The following GRM7 variants were observed in gnomAD, a reference collection of about 807,000 sequenced individuals.
GRM7 encodes the protein metabotropic glutamate receptor 7.
A neutral mutation model predicts 84.5 loss-of-function variants in GRM7; 35 were observed. That is an observed-to-expected ratio of 0.41 (90% confidence interval 0.32 to 0.55). The LOEUF (loss-of-function observed/expected upper bound fraction) is 0.55, where lower values mean the gene tolerates loss of function less well. GRM7 is among the 20% of genes least tolerant of loss of function. The pLI is 0.19. For missense variants in GRM7, 1,003 were observed against 1,194.6 expected, an observed-to-expected ratio of 0.84 and a Z score of 2.36; for synonymous variants, 487 against 455.1, an observed-to-expected ratio of 1.07 and a Z score of -0.89.
intron 1 of GRM7, among the ~76,000 whole-genome samples, chr3:7,107,977 A>G (rs1467749364): frequency 6.6e-6 from 1 of 152,030 alleles, no homozygotes; most frequent in Non-Finnish European, 1.5e-5. Context: ...TAAAAGCAAG[A>G]TGGGGAGAGA....
chr3:7,217,320 G>A (rs1696647985), intron 2 of GRM7, among the ~76,000 whole-genome samples: 1 of 152,110 alleles, frequency 6.6e-6, no homozygotes, highest in Non-Finnish European at 1.5e-5. Context: ...CACTCAACTG[G>A]CAAAGTACGG....
At chr3:6,927,966 C>G (rs567372620) in intron 1 of GRM7, among the ~76,000 whole-genome samples, 1 of 152,314 alleles carries the variant, frequency 6.6e-6, no homozygotes, top group East Asian at 1.9e-4. Flanking sequence ...ACTTAGAACA[C>G]ATTTCTAAAT....
chr3:7,349,366 G>A (rs1226382707), intron 4 of GRM7, among the ~76,000 whole-genome samples: 2 of 152,078 alleles, frequency 1.3e-5, no homozygotes, highest in African/African-American at 4.8e-5. Context: ...CCAGCTGATG[G>A]GCTTGTCATG....
chr3:7,025,657 T>A (rs142277078), intron 1 of GRM7, among the ~76,000 whole-genome samples: 389 of 152,290 alleles, frequency 2.6e-3, no homozygotes, highest in Admixed American at 6.1e-3. Flanking sequence ...TTCTTGTGTC[T>A]TCCCTGGTAT....
chr3:7,642,443 A>G (rs1698408006), intron 8 of GRM7, among the ~76,000 whole-genome samples: 2 of 152,230 alleles, frequency 1.3e-5, no homozygotes, highest in South Asian at 2.1e-4. Flanking sequence ...TGAAATATTG[A>G]TGGTTAAAAC....
rs567632809 is a variant in GRM7, at chr3:7,198,816, A to AT, written c.736+52149dup. 2.2e-3 allele frequency among the ~76,000 whole-genome samples: 339 copies of AT among 152,326 alleles called. 1 individual carries two copies. The highest frequency in any genetic ancestry group is 3.5e-3 in the Non-Finnish European group (235 of 68,018). On this transcript the variant is annotated intron_variant, in intron 2 of 9. Transcript: ENST00000357716. The stretch of plus-strand genomic sequence containing the variant: ...GTCAAAAATTATAAGTTGAGCCATC[A>AT]TAAGTTGGGGACTGCCTGTACATTT...
chr3:7,040,788 A>C (rs911883842), intron 1 of GRM7, among the ~76,000 whole-genome samples: 5 of 151,884 alleles, frequency 3.3e-5, no homozygotes, highest in African/African-American at 1.2e-4. Flanking sequence ...TCATTTTAAA[A>C]ATGATGAGGT....
At position 7,267,893 on chromosome 3, in the gene GRM7, C is replaced by G. The variant is rs1698704416; in HGVS notation, c.737-30791C>G. Among the ~76,000 whole-genome samples the G allele has an allele frequency of 1.3e-5, 2 of 151,764 alleles. 1 individual carries two copies. The highest frequency in any genetic ancestry group is 3.9e-4 in the East Asian group (2 of 5,160). ...TCTAGTTTTAAGACAGAGTCAAATTCTATGTTTTTTTTCAGGAGCCCAGAA... is the reference window on the plus strand; with the variant it reads ...TCTAGTTTTAAGACAGAGTCAAATTGTATGTTTTTTTTCAGGAGCCCAGAA... On this transcript the variant is annotated intron_variant, in intron 2 of 9. Coordinates refer to ENST00000357716, the MANE Select transcript of GRM7 (RefSeq NM_000844.4).
chr3:6,906,974 A>G (rs960850856), intron 1 of GRM7, among the ~76,000 whole-genome samples: 17 of 152,354 alleles, frequency 1.1e-4, no homozygotes, highest in Admixed American at 3.9e-4. Context: ...TCAAGGTAAT[A>G]GACAAATTCA....
intron 1 of GRM7, among the ~76,000 whole-genome samples, chr3:7,027,211 T>C (rs1239229787): frequency 6.6e-6 from 1 of 152,156 alleles, no homozygotes; most frequent in Non-Finnish European, 1.5e-5. Context: ...TGTTGTTAGC[T>C]GATGCTAGGG....
intron 5 of GRM7, among the ~76,000 whole-genome samples, chr3:7,434,814 T>A (rs1401059318): frequency 2.0e-5 from 3 of 152,178 alleles, no homozygotes; most frequent in Non-Finnish European, 4.4e-5. Flanking sequence ...AAAAAATGAG[T>A]TAGAAAATGT....
At chr3:7,593,947 GAA>G (rs60265357) in intron 8 of GRM7, among the ~76,000 whole-genome samples, 1 of 142,634 alleles carries the variant, frequency 7.0e-6, no homozygotes, top group African/African-American at 2.6e-5. Context: ...ACAGAAGGGG[GAA>G]AAAAAAAAAC....
intron 8 of GRM7, among the ~76,000 whole-genome samples, chr3:7,665,965 T>C (rs1426661544): frequency 1.3e-5 from 2 of 152,236 alleles, no homozygotes; most frequent in African/African-American, 2.4e-5. Context: ...AATTATTTTT[T>C]GAAGGCTTCA....
chr3:7,656,512 A>AAATATATAT (rs1425575927), intron 8 of GRM7, among the ~76,000 whole-genome samples: 2 of 72,134 alleles, frequency 2.8e-5, no homozygotes, highest in Non-Finnish European at 3.2e-5. Flanking sequence ...CAAACAAACA[A>AAATATATAT]ATAAAAAAAA....
chr3:6,968,522 G>A (rs1405441585), intron 1 of GRM7, among the ~76,000 whole-genome samples: 1 of 152,186 alleles, frequency 6.6e-6, no homozygotes, highest in Non-Finnish European at 1.5e-5. Flanking sequence ...TTTATTGAGA[G>A]AATGAAGTGG....
At chr3:6,919,114 A>C (rs1145133) in intron 1 of GRM7, among the ~76,000 whole-genome samples, 1 of 151,730 alleles carries the variant, frequency 6.6e-6, no homozygotes, top group Non-Finnish European at 1.5e-5. Context: ...TTCTTGCCTC[A>C]TTGGTCTAAT....
chr3:6,951,531 C>A (rs11131060), intron 1 of GRM7, among the ~76,000 whole-genome samples: 5,027 of 152,042 alleles, frequency 0.033, 120 homozygotes, highest in Non-Finnish European at 0.049. Flanking sequence ...CTTGTGATTT[C>A]TTCTTTGATT....
At chr3:7,224,826 C>T (rs555382292) in intron 2 of GRM7, among the ~76,000 whole-genome samples, 1 of 151,996 alleles carries the variant, frequency 6.6e-6, no homozygotes, top group African/African-American at 2.4e-5. Flanking sequence ...CAAGGTCATA[C>T]CAAAAGTTGA....
chr3:6,908,050 T>TA (rs1342237810), intron 1 of GRM7, among the ~76,000 whole-genome samples: 4 of 151,904 alleles, frequency 2.6e-5, no homozygotes, highest in Non-Finnish European at 5.9e-5. Context: ...ATAACAAAAC[T>TA]AAAAAAATAG....
Sources: gnomAD v4.1 joint callset for allele counts (sites outside exome capture counted in the v4.1 genomes callset) on GRCh38, gnomAD v4.1.1 for gene constraint, MANE v1.5 for transcripts, NCBI Gene and HGNC (gene_info 2026-07-23, HGNC 2026-07-21) for gene names.